The following PCNT variants were observed in gnomAD, a reference collection of about 807,000 sequenced individuals.
The protein encoded by PCNT is kendrin.
A neutral mutation model predicts 380.4 loss-of-function variants in PCNT; 319 were observed. The ratio of observed to expected loss-of-function variants is 0.84; its 90% confidence interval spans 0.77 to 0.92. The LOEUF (loss-of-function observed/expected upper bound fraction) is 0.92. Ranked by LOEUF, PCNT falls within the 40% of genes least tolerant of loss-of-function variation. PCNT has a pLI of 0.00. For synonymous variants in PCNT, 1,845 were observed against 1,735.2 expected, an observed-to-expected ratio of 1.06 and a Z score of -1.57; for missense variants, 4,400 against 4,255.3, an observed-to-expected ratio of 1.03 and a Z score of -0.95.
In PCNT at chr21:46,413,592, A is replaced by G. The variant is rs185968165; in HGVS notation, c.6150+600A>G. Among the ~76,000 whole-genome samples, 39 of 152,308 alleles carry G rather than the reference A, an allele frequency of 2.6e-4. 1 individual carries two copies. The highest frequency in any genetic ancestry group is 2.3e-3 in the Admixed American group (35 of 15,304). On this transcript the variant is annotated intron_variant, in intron 29 of 46. Transcript: ENST00000359568. ...CAATCAGTTGGGTTTTTTTCTTGTAATTGATCCAAATGGATTTAACTGTGC... is the reference window on the plus strand; with the variant it reads ...CAATCAGTTGGGTTTTTTTCTTGTAGTTGATCCAAATGGATTTAACTGTGC...
chr21:46,438,405 C>G (rs1235707237), intron 41 of PCNT, 68 bp downstream of exon 41: 10 of 1,452,186 alleles, frequency 6.9e-6, no homozygotes, highest in African/African-American at 2.8e-5. Flanking sequence ...AGCTCCACCC[C>G]ACAAGAGGCC....
At position 46,364,020 on chromosome 21, in the gene PCNT, G is replaced by A. The variant is rs114314706; in HGVS notation, c.2609+86G>A. The A allele has an allele frequency of 7.2e-4, 905 of 1,255,036 alleles. 6 individuals carry two copies. In the African/African-American group the frequency reaches 0.012, roughly 16 times the overall value. The allele number at this position is 1,255,036 out of a possible 1,614,324, so 77.7% of individuals were successfully genotyped here. ...GGTGGGCAGGCTCCTGGGAGGAGGC[G>A]CTGTGGGCTCCACTGGGCGAAAAGG... On this transcript the variant is annotated intron_variant, in intron 14 of 46. Coordinates refer to ENST00000359568, the MANE Select transcript of PCNT (RefSeq NM_006031.6).
intron 27 of PCNT, among the ~76,000 whole-genome samples, chr21:46,404,385 T>A (rs566144677): frequency 8.5e-5 from 12 of 141,322 alleles, no homozygotes; most frequent in Admixed American, 4.1e-4. Flanking sequence ...GATATGGTTG[T>A]TGTTATTACC....
rs778889844 is a variant in PCNT, at chr21:46,357,132, A to T, written c.2095A>T (p.Asn699Tyr). ...KEEIELLKIE[N>Y]RNLYGKLQHE... ...AGAAATTGAACTCCTAAAAATAGAA[A>T]ATAGAAATTTGTATGGGAAGTTGCA... The change falls in exon 13 of 47, where the codon AAT becomes TAT. Residue 699 changes from asparagine to tyrosine, a missense_variant. Physicochemically the swap from Asn to Tyr is moderately radical, Grantham distance 143. Coordinates refer to ENST00000359568, the MANE Select transcript of PCNT (RefSeq NM_006031.6). The T allele has an allele frequency of 6.2e-7, 1 of 1,614,058 alleles. No homozygotes were observed. Among genetic ancestry groups the T allele is most frequent in the East Asian group, 2.2e-5 (1 of 44,878 alleles).
chr21:46,407,995 TTTAAG>T (rs2086669619), intron 27 of PCNT, among the ~76,000 whole-genome samples: 1 of 152,256 alleles, frequency 6.6e-6, no homozygotes, highest in Non-Finnish European at 1.5e-5. Flanking sequence ...AGTATAACAA[TTTAAG>T]TTTTTTGTTT....
intron 32 of PCNT, among the ~76,000 whole-genome samples, chr21:46,424,960 A>G (rs1347684654): frequency 6.6e-6 from 1 of 152,210 alleles, no homozygotes; most frequent in Non-Finnish European, 1.5e-5. Context: ...TTAAAATTAC[A>G]GGAAAGCCTA....
Position 46,436,035 on chromosome 21 carries a change from C to T in PCNT, c.8883C>T (p.Ala2961=), listed in dbSNP as rs371900466. ...RLHLGSARRA[A]GSDADHLREQ... Reference sequence around the variant, plus strand: ...ACCTAGGTTCTGCCCGCAGGGCTGCCGGCTCGGATGCGGACCACCTCCGGG... The same window carrying T: ...ACCTAGGTTCTGCCCGCAGGGCTGCTGGCTCGGATGCGGACCACCTCCGGG... Residue 2961 remains alanine (A), a synonymous_variant, in exon 39 of 47, where the codon GCC becomes GCT. Coordinates refer to ENST00000359568, the MANE Select transcript of PCNT (RefSeq NM_006031.6). The T allele has an allele frequency of 6.0e-5, 97 of 1,613,834 alleles. No homozygotes were observed. The highest frequency in any genetic ancestry group is 7.4e-5 in the Non-Finnish European group (87 of 1,180,002).
intron 31 of PCNT, among the ~76,000 whole-genome samples, chr21:46,420,155 T>C (rs1431421796): frequency 6.6e-6 from 1 of 152,134 alleles, no homozygotes; most frequent in South Asian, 2.1e-4. Context: ...CGCCCTCCAG[T>C]GACACGCGAC....
chr21:46,366,316 C>T lies in PCNT; in HGVS notation c.2610-268C>T, dbSNP rs181545598. Among the ~76,000 whole-genome samples, 806 of 152,208 alleles carry T rather than the reference C, an allele frequency of 5.3e-3. 6 individuals carry two copies. The highest frequency in any genetic ancestry group is 0.019 in the African/African-American group (771 of 41,520). On this transcript the variant is annotated intron_variant, in intron 14 of 46. Coordinates refer to ENST00000359568, the MANE Select transcript of PCNT (RefSeq NM_006031.6). The stretch of plus-strand genomic sequence containing the variant: ...TGTGTGTGCCATCTCTTGCTGAGGG[C>T]GCTGGTTCCTACCTGTGGTCTGTGA...
At chr21:46,389,793 T>C (rs902656030) in intron 19 of PCNT, among the ~76,000 whole-genome samples, 1 of 152,216 alleles carries the variant, frequency 6.6e-6, no homozygotes, top group Non-Finnish European at 1.5e-5. Flanking sequence ...ATCAAAGATC[T>C]TTTTTTCAGC....
In PCNT at chr21:46,388,347, C is replaced by T. The variant is rs532057748; in HGVS notation, c.3465-395C>T. On this transcript the variant is annotated intron_variant, in intron 17 of 46. Transcript: ENST00000359568. The surrounding 1 kb of genome is among the most constrained non-coding windows in gnomAD (Gnocchi z 4.2). ...GCGTGACTTGGTGTTGGACAGACAT[C>T]TTGTGAAATGGCTGGCTGGTGCACC... Among the ~76,000 whole-genome samples, 2 of 152,312 alleles carry T rather than the reference C, an allele frequency of 1.3e-5. No homozygotes were observed. Among genetic ancestry groups the T allele is most frequent in the African/African-American group, 2.4e-5 (1 of 41,562 alleles).
At chr21:46,431,393 T>G in intron 37 of PCNT, 136 bp from the exon 38 acceptor site, 1 of 1,517,834 alleles carries the variant, frequency 6.6e-7, no homozygotes, top group Non-Finnish European at 8.8e-7. Flanking sequence ...ATGTTGTCCC[T>G]ACATGTGGCT....
At chr21:46,332,983 C>T (rs1004851995) in intron 2 of PCNT, among the ~76,000 whole-genome samples, 2 of 152,160 alleles carry the variant, frequency 1.3e-5, no homozygotes, top group African/African-American at 4.8e-5. Context: ...CACAGTGGCG[C>T]ATGCCAGTAG....
intron 33 of PCNT, among the ~76,000 whole-genome samples, chr21:46,427,419 G>A (rs1395694576): frequency 6.6e-6 from 1 of 152,196 alleles, no homozygotes; most frequent in Non-Finnish European, 1.5e-5. Context: ...TTCCTGGTTT[G>A]CGGACAGCGT....
rs890587000 is a variant in PCNT, at chr21:46,338,240, C to T, written c.639+3472C>T. Among the ~76,000 whole-genome samples the T allele has an allele frequency of 5.3e-5, 8 of 152,234 alleles. No homozygotes were observed. The East Asian group carries it at 1.5e-3, about 29-fold the overall frequency. On this transcript the variant is annotated intron_variant, in intron 3 of 46. Coordinates refer to ENST00000359568, the MANE Select transcript of PCNT (RefSeq NM_006031.6). ...CACAATTGTGTAGAGTCATATTCAC[C>T]ACCCAGTTACCCTCGAGAACAACCC...
At chr21:46,369,096 TGGG>T (rs926746664) in intron 15 of PCNT, among the ~76,000 whole-genome samples, 21 of 152,316 alleles carry the variant, frequency 1.4e-4, no homozygotes, top group Middle Eastern at 6.8e-3. Context: ...CATGTGATCT[TGGG>T]GGAATTCCTA....
At chr21:46,325,407 C>T (rs1251868135) in intron 1 of PCNT, among the ~76,000 whole-genome samples, 2 of 152,162 alleles carry the variant, frequency 1.3e-5, no homozygotes, top group African/African-American at 2.4e-5. Context: ...GAGGGAGGGA[C>T]AAGACGCCGC....
At chr21:46,442,597 C>G (rs202225542) in intron 44 of PCNT, 24 bp downstream of exon 44, 1 of 1,431,212 alleles carries the variant, frequency 7.0e-7, no homozygotes, top group Non-Finnish European at 9.9e-7. Context: ...TGCTGTTGAC[C>G]GCTGGACTCA....
chr21:46,379,598 C>T (rs2085445919), intron 15 of PCNT, among the ~76,000 whole-genome samples: 1 of 152,106 alleles, frequency 6.6e-6, no homozygotes, highest in African/African-American at 2.4e-5. Flanking sequence ...GAGGGTGCCC[C>T]ACAGGCCTTG....
Sources: gnomAD v4.1 joint callset for allele counts (sites outside exome capture counted in the v4.1 genomes callset) on GRCh38, gnomAD v4.1.1 for gene constraint, Gnocchi (gnomAD v3.1) non-coding constraint, MANE v1.5 for transcripts, NCBI Gene and HGNC (gene_info 2026-07-23, HGNC 2026-07-21) for gene names.